The following COG5 variants were observed in gnomAD, a reference collection of about 807,000 sequenced individuals.
COG5 encodes the protein component of oligomeric golgi complex 5, also known as conserved oligomeric Golgi complex subunit 5.
Under a neutral mutation model 110.4 loss-of-function variants are expected in COG5, and 86 were observed. The observed-to-expected ratio is 0.78, with a 90% CI of 0.65 to 0.93. COG5 has a LOEUF of 0.93. Ranked by LOEUF, COG5 falls within the 40% of genes least tolerant of loss-of-function variation. The pLI, the probability that COG5 is intolerant of heterozygous loss-of-function variation, is 0.00. For synonymous variants in COG5, 360 were observed against 334.6 expected (o/e 1.08, Z -0.83); for missense variants, 1,077 against 987.0 (o/e 1.09, Z -1.22).
chr7:107,311,482 T>C (rs1003990400), intron 11 of COG5, among the ~76,000 whole-genome samples: 2 of 136,952 alleles, frequency 1.5e-5, no homozygotes, highest in African/African-American at 5.3e-5. Flanking sequence ...CAAGCTCCGC[T>C]TCCCGGGTTC....
chr7:107,201,546 C>G lies in COG5; in HGVS notation c.*1970G>C, dbSNP rs1044367246. The stretch of plus-strand genomic sequence containing the variant: ...CCTCAATTCGTGTGACCATAAGATA[C>G]TGATAGCATTGAGTCTTGAAATGAT... On this transcript the variant is annotated 3_prime_UTR_variant, in exon 22 of 22. Coordinates refer to ENST00000297135, the MANE Select transcript of COG5 (RefSeq NM_006348.5). 3.9e-5 allele frequency: 23 copies of G among 591,276 alleles called. No homozygotes were observed. Among genetic ancestry groups the G allele is most frequent in the Non-Finnish European group, 6.5e-5 (21 of 322,184 alleles). 36.6% of individuals were successfully genotyped at this position (591,276 alleles called of 1,614,324 possible).
chr7:107,344,603 C>T (rs1342708472), intron 10 of COG5, among the ~76,000 whole-genome samples: 2 of 152,202 alleles, frequency 1.3e-5, no homozygotes, highest in Non-Finnish European at 2.9e-5. Flanking sequence ...GGGCTCACCA[C>T]AACCTCCACC....
intron 18 of COG5, 65 bp from the exon 19 acceptor site, chr7:107,230,756 C>A (rs1800717408): frequency 7.9e-7 from 1 of 1,270,506 alleles, no homozygotes; most frequent in African/African-American, 1.5e-5. Flanking sequence ...TGGGAAAGAC[C>A]CGGATCACAG....
At chr7:107,321,620 TATAG>T (rs1368469025) in intron 11 of COG5, among the ~76,000 whole-genome samples, 2 of 152,116 alleles carry the variant, frequency 1.3e-5, no homozygotes, top group African/African-American at 4.8e-5. Flanking sequence ...TAGTCTTACT[TATAG>T]ATAACCAAAT....
intron 6 of COG5, among the ~76,000 whole-genome samples, chr7:107,468,245 C>A (rs1223984421): frequency 6.6e-6 from 1 of 152,144 alleles, no homozygotes; most frequent in Non-Finnish European, 1.5e-5. Flanking sequence ...TTTCTCTGTA[C>A]CTTTGTTTCT....
At chr7:107,363,242 A>AT (rs1562990204) in intron 8 of COG5, among the ~76,000 whole-genome samples, 2 of 152,238 alleles carry the variant, frequency 1.3e-5, no homozygotes, top group African/African-American at 2.4e-5. Flanking sequence ...CCATTCTCCA[A>AT]TAAAAACAAA....
intron 17 of COG5, among the ~76,000 whole-genome samples, chr7:107,245,036 C>T (rs1424908697): frequency 1.3e-5 from 2 of 152,036 alleles, no homozygotes; most frequent in Non-Finnish European, 2.9e-5. Flanking sequence ...GGCTTCATCC[C>T]CGGGACACGA....
At chr7:107,393,276 A>C (rs1166371200) in intron 7 of COG5, among the ~76,000 whole-genome samples, 1 of 152,094 alleles carries the variant, frequency 6.6e-6, no homozygotes, top group Non-Finnish European at 1.5e-5. Flanking sequence ...GTTTCCTTAC[A>C]TCCCCTACCA....
At chr7:107,236,722 T>C in intron 17 of COG5, 35 bp from the exon 18 acceptor site, 1 of 1,354,180 alleles carries the variant, frequency 7.4e-7, no homozygotes, top group South Asian at 1.2e-5. Flanking sequence ...TCAGCACCGC[T>C]GCACTAAATC....
At chr7:107,281,217 A>G (rs1805138741) in intron 14 of COG5, 83 bp downstream of exon 14, 2 of 898,256 alleles carry the variant, frequency 2.2e-6, no homozygotes, top group Admixed American at 2.0e-5. Flanking sequence ...TAGTCAATTC[A>G]ATATTTATGA....
intron 5 of COG5, among the ~76,000 whole-genome samples, chr7:107,542,911 G>A (rs1048067476): frequency 2.6e-5 from 4 of 151,032 alleles, no homozygotes; most frequent in African/African-American, 9.8e-5. Flanking sequence ...GGCGGAGGCT[G>A]CAGTGAGCCA....
chr7:107,407,319 T>C (rs904242508), intron 7 of COG5, among the ~76,000 whole-genome samples: 21 of 151,860 alleles, frequency 1.4e-4, no homozygotes, highest in Admixed American at 1.2e-3. Context: ...GAGTCGGAGG[T>C]TTCAGTGAGC....
intron 21 of COG5, among the ~76,000 whole-genome samples, chr7:107,206,841 C>T (rs1248985550): frequency 1.3e-5 from 2 of 152,174 alleles, no homozygotes; most frequent in Non-Finnish European, 2.9e-5. Context: ...GAAATTAGAG[C>T]AAGATTTTCG....
At chr7:107,253,180 AT>A (rs1802646394) in intron 16 of COG5, 1 of 152,128 alleles carries the variant, frequency 6.6e-6, no homozygotes, top group South Asian at 2.1e-4. Context: ...AGAAAACTTT[AT>A]TGCTGGGTGA....
chr7:107,563,696 G>A (rs1415657211), intron 1 of COG5, 107 bp downstream of exon 1: 14 of 1,334,216 alleles, frequency 1.0e-5, no homozygotes, highest in Non-Finnish European at 1.5e-5. Context: ...GTCACGTCCA[G>A]ACTGGAAAAC....
intron 18 of COG5, 135 bp downstream of exon 18, chr7:107,236,315 C>A (rs1801186527): frequency 2.0e-5 from 13 of 638,980 alleles, no homozygotes; most frequent in Non-Finnish European, 3.1e-5. Context: ...TTTTTTTTAA[C>A]TATTTATGCT....
At chr7:107,411,075 G>C (rs899216244) in intron 7 of COG5, among the ~76,000 whole-genome samples, 2 of 152,130 alleles carry the variant, frequency 1.3e-5, no homozygotes, top group Non-Finnish European at 2.9e-5. Context: ...CTAGAGATGG[G>C]AGACACAAAA....
intron 6 of COG5, among the ~76,000 whole-genome samples, chr7:107,438,508 GCACTGCA>G (rs938785551): frequency 5.9e-5 from 9 of 152,160 alleles, no homozygotes; most frequent in African/African-American, 2.2e-4. Context: ...TGAGTGATGT[GCACTGCA>G]CACGTTAGCA....
In COG5 at chr7:107,474,547, T is replaced by C; in HGVS notation, c.538+52690A>G. ...GGGCAGAGCTGTAATGTTAATGATA[T>C]CCATTTGGATTTTTTCTTTTTTCTC... On this transcript the variant is annotated intron_variant, in intron 6 of 21. Coordinates refer to ENST00000297135, the MANE Select transcript of COG5 (RefSeq NM_006348.5). The surrounding 1 kb of genome is among the most constrained non-coding windows in gnomAD (Gnocchi z 5.7). The C allele has an allele frequency of 6.2e-7, 1 of 1,610,800 alleles. No homozygotes were observed. Among genetic ancestry groups the C allele is most frequent in the Non-Finnish European group, 8.5e-7 (1 of 1,178,030 alleles).
Sources: gnomAD v4.1 joint callset for allele counts (sites outside exome capture counted in the v4.1 genomes callset) on GRCh38, gnomAD v4.1.1 for gene constraint, Gnocchi (gnomAD v3.1) non-coding constraint, MANE v1.5 for transcripts, NCBI Gene and HGNC (gene_info 2026-07-23, HGNC 2026-07-21) for gene names.